The following MICU1 variants were observed in gnomAD, a reference collection of about 807,000 sequenced individuals.
MICU1 encodes calcium uptake protein 1, mitochondrial.
In MICU1, 45 loss-of-function variants were observed where a neutral mutation model predicts 56.8. That is an observed-to-expected ratio of 0.79 (90% CI 0.62 to 1.02). The LOEUF (loss-of-function observed/expected upper bound fraction) is 1.02, where lower values mean the gene tolerates loss of function less well. Among genes scored for constraint, MICU1 ranks in the 50% least tolerant of loss-of-function variants. MICU1 has a pLI of 0.00. For missense variants in MICU1, 504 were observed against 587.1 expected (o/e 0.86, Z 1.46); for synonymous variants, 186 against 195.1 (o/e 0.95, Z 0.39).
intron 8 of MICU1, among the ~76,000 whole-genome samples, chr10:72,446,657 T>C (rs919210702): frequency 6.6e-6 from 1 of 152,212 alleles, no homozygotes. Context: ...AGATATTAAC[T>C]AAATATTTTT....
intron 9 of MICU1, among the ~76,000 whole-genome samples, chr10:72,415,358 A>C (rs1236885113): frequency 6.6e-6 from 1 of 152,108 alleles, no homozygotes; most frequent in Non-Finnish European, 1.5e-5. Context: ...ATATTTTTAT[A>C]CCAGGTACAA....
intron 5 of MICU1, among the ~76,000 whole-genome samples, chr10:72,526,179 T>A (rs1282474596): frequency 6.6e-6 from 1 of 152,056 alleles, no homozygotes; most frequent in Admixed American, 6.6e-5. Flanking sequence ...TTTAAAGAAC[T>A]TTGGATGGGA....
intron 8 of MICU1, among the ~76,000 whole-genome samples, chr10:72,458,997 G>A (rs544321305): frequency 4.0e-5 from 6 of 150,930 alleles, no homozygotes; most frequent in Middle Eastern, 6.8e-3. Flanking sequence ...CCAAAGTGCT[G>A]GGATTACAGG....
intron 8 of MICU1, among the ~76,000 whole-genome samples, chr10:72,464,640 G>A (rs2132245062): frequency 6.6e-6 from 1 of 152,218 alleles, no homozygotes; most frequent in East Asian, 1.9e-4. Flanking sequence ...TTGTGTAAAT[G>A]CACTCTACGA....
At chr10:72,494,419 T>G (rs1166393553) in intron 6 of MICU1, among the ~76,000 whole-genome samples, 1 of 151,902 alleles carries the variant, frequency 6.6e-6, no homozygotes, top group Non-Finnish European at 1.5e-5. Context: ...GAAAAAACAC[T>G]TAGAAATGTA....
intron 6 of MICU1, among the ~76,000 whole-genome samples, chr10:72,489,602 CT>C (rs1866589398): frequency 6.6e-6 from 1 of 152,150 alleles, no homozygotes; most frequent in Admixed American, 6.6e-5. Context: ...TAGTTTACAA[CT>C]TTGCAAACTT....
At chr10:72,439,477 T>C (rs941906278) in intron 8 of MICU1, among the ~76,000 whole-genome samples, 1 of 152,192 alleles carries the variant, frequency 6.6e-6, no homozygotes, top group African/African-American at 2.4e-5. Flanking sequence ...AGCATTCCCT[T>C]TGAAAACTGG....
intron 4 of MICU1, among the ~76,000 whole-genome samples, chr10:72,549,189 T>C (rs1839969596): frequency 6.6e-6 from 1 of 150,786 alleles, no homozygotes; most frequent in Non-Finnish European, 1.5e-5. Context: ...CTGTTTTTTT[T>C]GGTTTTTTTT....
chr10:72,512,097 GTTGTTTTTTGT>G (rs1361209191), intron 5 of MICU1, among the ~76,000 whole-genome samples: 5 of 100,688 alleles, frequency 5.0e-5, no homozygotes, highest in African/African-American at 2.1e-4. Flanking sequence ...TCCATACACA[GTTGTTTTTTGT>G]TTTTTTTTTT....
At position 72,508,376 on chromosome 10, in the gene MICU1, C is replaced by T. The variant is rs146151532; in HGVS notation, c.538-107G>A. 8 of 464,590 alleles carry T rather than the reference C, an allele frequency of 1.7e-5. No individual in the cohort carries two copies. The East Asian group carries it at 2.5e-4, about 15-fold the overall frequency. 28.8% of individuals were successfully genotyped at this position (464,590 alleles called of 1,614,324 possible). ...TATCTGACAGTTTTATGCTATTTAT[C>T]ATAAGCATTTCTCTCATGGCCATTC... On this transcript the variant is annotated intron_variant, in intron 5 of 11. Transcript: ENST00000361114.
At chr10:72,577,697 ATTG>A (rs1300169393) in intron 1 of MICU1, among the ~76,000 whole-genome samples, 1 of 152,164 alleles carries the variant, frequency 6.6e-6, no homozygotes. Flanking sequence ...CGTCAAAAAA[ATTG>A]TTTTTGTAAA....
chr10:72,617,049 C>T (rs1279127606), intron 1 of MICU1, among the ~76,000 whole-genome samples: 1 of 152,196 alleles, frequency 6.6e-6, no homozygotes, highest in Non-Finnish European at 1.5e-5. Flanking sequence ...ATCTAGACAA[C>T]CACTGTTTTA....
chr10:72,474,779 TA>T (rs1866061546), intron 8 of MICU1, among the ~76,000 whole-genome samples: 1 of 152,174 alleles, frequency 6.6e-6, no homozygotes, highest in African/African-American at 2.4e-5. Context: ...TTCCACACAA[TA>T]AACAAAAAAG....
chr10:72,621,847 G>GA (rs1260219088), intron 1 of MICU1, among the ~76,000 whole-genome samples: 2 of 151,966 alleles, frequency 1.3e-5, no homozygotes, highest in Admixed American at 1.3e-4. Flanking sequence ...ATTAAAAATA[G>GA]AAAAAAATCA....
At position 72,569,045 on chromosome 10, in the gene MICU1, C is replaced by T. The variant is rs551755456; in HGVS notation, c.-1-2251G>A. On this transcript the variant is annotated intron_variant, in intron 1 of 11. Transcript: ENST00000361114. ...CCGGGATTACAGGCATGAGCCACCG[C>T]GCCTGGCTGGGAAGTTCTTATTCAA... Among the ~76,000 whole-genome samples the T allele has an allele frequency of 1.2e-4, 18 of 150,488 alleles. No individual in the cohort carries two copies. The South Asian group carries it at 2.5e-3, about 21-fold the overall frequency.
intron 4 of MICU1, 123 bp downstream of exon 4, chr10:72,551,056 A>G (rs1280412712): frequency 1.4e-5 from 14 of 966,944 alleles, no homozygotes; most frequent in Non-Finnish European, 2.0e-5. Flanking sequence ...CTGATATTCA[A>G]TAGACACACT....
chr10:72,467,882 C>T (rs1328527459), intron 8 of MICU1: 1 of 150,338 alleles, frequency 6.7e-6, no homozygotes, highest in East Asian at 2.0e-4. Context: ...TGGCATGAGA[C>T]TGGAGTGCAA....
chr10:72,510,353 A>G (rs1300791326), intron 5 of MICU1, among the ~76,000 whole-genome samples: 2 of 152,202 alleles, frequency 1.3e-5, no homozygotes, highest in Non-Finnish European at 2.9e-5. Flanking sequence ...CAGTTTACAT[A>G]TTACACAATT....
intron 1 of MICU1, among the ~76,000 whole-genome samples, chr10:72,598,812 T>C (rs1437662429): frequency 1.3e-5 from 2 of 152,188 alleles, no homozygotes; most frequent in African/African-American, 2.4e-5. Context: ...TGGAAAAAAC[T>C]ATTTCAGAGC....
Sources: gnomAD v4.1 joint callset for allele counts (sites outside exome capture counted in the v4.1 genomes callset) on GRCh38, gnomAD v4.1.1 for gene constraint, MANE v1.5 for transcripts, NCBI Gene and HGNC (gene_info 2026-07-23, HGNC 2026-07-21) for gene names.